The following TRPV6 variants were observed in gnomAD, a reference collection of about 807,000 sequenced individuals.
The protein encoded by TRPV6 is transient receptor potential cation channel subfamily V member 6.
TRPV6 carries 39 observed loss-of-function variants against 79.0 expected under a neutral mutation model. That is an observed-to-expected ratio of 0.49 (90% CI 0.38 to 0.64). The LOEUF (loss-of-function observed/expected upper bound fraction) is 0.64, where lower values mean the gene tolerates loss of function less well. Ranked by LOEUF, TRPV6 falls within the 30% of genes least tolerant of loss-of-function variation. The pLI is 0.00. For missense variants in TRPV6, 813 were observed against 1,011.1 expected, an observed-to-expected ratio of 0.80 and a Z score of 2.66; for synonymous variants, 373 against 391.9, an observed-to-expected ratio of 0.95 and a Z score of 0.57.
Position 142,871,941 on chromosome 7 carries a change from T to TGCGTA in TRPV6, c.2059_2063dup (p.Gln689ThrfsTer21). The TGCGTA allele has an allele frequency of 6.2e-7, 1 of 1,612,492 alleles. No individual in the cohort carries two copies. Among genetic ancestry groups the TGCGTA allele is most frequent in the Non-Finnish European group, 8.5e-7 (1 of 1,178,946 alleles). The stretch of plus-strand genomic sequence containing the variant: ...CAGAGCCCCGGGTGTGGAAGGCCTG[T>TGCGTA]GCGTAGCGTTGGATCCGCTGCCGGT... On this transcript the variant is annotated frameshift_variant, in exon 15 of 15. Transcript: ENST00000359396. LOFTEE classifies it low-confidence loss of function (END_TRUNC).
rs780213402 is a variant in TRPV6, at chr7:142,873,729, A to C, written c.1640-13T>G. ...ATGATATAGAAGGCTGCTCCACCCAAGGGGGTGAGGGTTACCATGGCAACC... is the reference window on the plus strand; with the variant it reads ...ATGATATAGAAGGCTGCTCCACCCACGGGGGTGAGGGTTACCATGGCAACC... On this transcript the variant is annotated splice_polypyrimidine_tract_variant and intron_variant, in intron 12 of 14. Transcript: ENST00000359396. This position sits in a 1 kb window ranked among gnomAD's most constrained non-coding sequence, Gnocchi z 4.8. 3 of 1,611,742 alleles carry C rather than the reference A, an allele frequency of 1.9e-6. No individual in the cohort carries two copies. Among genetic ancestry groups the C allele is most frequent in the Admixed American group, 3.3e-5 (2 of 59,968 alleles).
At chr7:142,884,454 G>T (rs1795258247) in intron 1 of TRPV6, 1 of 152,284 alleles carries the variant, frequency 6.6e-6, no homozygotes, top group African/African-American at 2.4e-5. Flanking sequence ...AGCCCCAACA[G>T]GCAGGACTTC....
rs762290342 is a variant in TRPV6 at position 142,875,770 on chromosome 7, G to A, written c.1017C>T (p.Thr339=). ...TCATGAGCCATACCTCCCGCTTCTT[G>A]GTGGTGATGATAAGTTCCAGCAGGG... The change falls in exon 7 of 15, where the codon ACC becomes ACT. Residue 339 remains threonine (T), a synonymous_variant. Transcript: ENST00000359396. The A allele has an allele frequency of 8.7e-6, 14 of 1,604,944 alleles. No individual in the cohort carries two copies. The South Asian group carries it at 1.4e-4, about 17-fold the overall frequency.
Position 142,871,404 on chromosome 7 carries a change from TG to T in TRPV6, c.*302del. On this transcript the variant is annotated 3_prime_UTR_variant, in exon 15 of 15. Transcript: ENST00000359396. ...GTGGAGACCGAGCGCCCAAGCAGGC[TG>T]GCCTGTTTTTAAAGTGCTCTGACAT... is the stretch of plus-strand genomic sequence containing the variant. 1 of 454,750 alleles carries T rather than the reference TG, an allele frequency of 2.2e-6. No individual in the cohort carries two copies. The highest frequency in any genetic ancestry group is 1.9e-5 in the African/African-American group (1 of 51,308). The allele number at this position is 454,750 out of a possible 1,614,324, so 28.2% of individuals were successfully genotyped here.
chr7:142,885,115 GC>G (rs1795277388), intron 1 of TRPV6: 4 of 281,280 alleles, frequency 1.4e-5, no homozygotes, highest in Non-Finnish European at 2.7e-5. Context: ...CCAGCAAGAC[GC>G]CTGGCCCTTA....
intron 1 of TRPV6, chr7:142,881,148 A>C (rs1795182854): frequency 6.6e-6 from 1 of 152,212 alleles, no homozygotes; most frequent in Non-Finnish European, 1.5e-5. Flanking sequence ...CTGACCCCAA[A>C]ACACCTGACT....
Position 142,875,087 on chromosome 7 carries a change from C to T in TRPV6, c.1320G>A (p.Leu440=). 1 of 1,614,156 alleles carries T rather than the reference C, an allele frequency of 6.2e-7. No homozygotes were observed. The highest frequency in any genetic ancestry group is 8.5e-7 in the Non-Finnish European group (1 of 1,180,028). Residue 440 remains leucine, a synonymous_variant, in exon 9 of 15, where the codon CTG becomes CTA. Coordinates refer to ENST00000359396, the MANE Select transcript of TRPV6 (RefSeq NM_018646.6). ...TCCATCCACACCTCACCTCTACCAG[C>T]AGGATGATGATAGCCCCAATGACAG... is the stretch of plus-strand genomic sequence containing the variant.
In TRPV6 at chr7:142,875,647, C is replaced by T; in HGVS notation, c.1063G>A (p.Glu355Lys). Residue 355 changes from glutamate (E) to lysine (K), a missense_variant, in exon 8 of 15, where the codon GAG (glutamate) becomes AAG (lysine). Glu to Lys is a moderately conservative substitution (Grantham distance 56, BLOSUM62 1). Around this residue, in one of 3 missense-constraint regions of TRPV6, gnomAD observed 555 missense variants for 631.0 expected, o/e 0.88. Coordinates refer to ENST00000359396, the MANE Select transcript of TRPV6 (RefSeq NM_018646.6). ...CGCTTCCACTTGAGGCTCACCAGCT[C>T]CTTCACCGGCGTCTGGTCCAGGATC... The T allele has an allele frequency of 1.2e-6, 2 of 1,613,780 alleles. No homozygotes were observed. The highest frequency in any genetic ancestry group is 2.2e-5 in the East Asian group (1 of 44,856).
At chr7:142,877,448 C>T in intron 3 of TRPV6, 169 bp from the exon 4 acceptor site, 1 of 1,460,422 alleles carries the variant, frequency 6.8e-7, no homozygotes, top group Non-Finnish European at 9.1e-7. Context: ...ATCTCTTCCT[C>T]TTCTCTAGGC....
chr7:142,877,306 G>C (rs138580726), intron 3 of TRPV6, 27 bp from the exon 4 acceptor site: 1 of 1,611,316 alleles, frequency 6.2e-7, no homozygotes. Context: ...TGTCAGTCAC[G>C]GGTCTGTCCC....
Position 142,873,835 on chromosome 7 carries a change from G to A in TRPV6, c.1640-119C>T. The A allele has an allele frequency of 4.9e-6, 7 of 1,428,710 alleles. No homozygotes were observed. The highest frequency in any genetic ancestry group is 2.0e-5 in the Admixed American group (1 of 50,976). The allele number at this position is 1,428,710 out of a possible 1,614,324, so 88.5% of individuals were successfully genotyped here. A position where few individuals can be genotyped will look rare whatever the true frequency, so the allele number is the denominator to read the frequency against. ...ATCTCAATATCACCAGCTCTGCAGT[G>A]CTCCAAACTTTGGGTTTTTACGGTC... On this transcript the variant is annotated intron_variant, in intron 12 of 14. Coordinates refer to ENST00000359396, the MANE Select transcript of TRPV6 (RefSeq NM_018646.6). This position sits in a 1 kb window ranked among gnomAD's most constrained non-coding sequence, Gnocchi z 4.8.
At chr7:142,885,154 A>C in intron 1 of TRPV6, 5 of 364,808 alleles carry the variant, frequency 1.4e-5, no homozygotes, top group African/African-American at 2.1e-5. Context: ...GGCTTGCAGA[A>C]TCGAATTAGA....
In TRPV6 at chr7:142,885,316, G is replaced by C. The variant is rs901326198; in HGVS notation, c.248+73C>G. 2.0e-6 allele frequency: 3 copies of C among 1,503,896 alleles called. No individual in the cohort carries two copies. The African/African-American group carries it at 4.2e-5, about 21-fold the overall frequency. 93.2% of individuals were successfully genotyped at this position (1,503,896 alleles called of 1,614,324 possible). On this transcript the variant is annotated intron_variant, in intron 1 of 14. Transcript: ENST00000359396. ...CCAAAGGTGCCAAACAAAGACGGGA[G>C]GTGAGGGAGGGGTGAGGGGTAGAGG...
intron 1 of TRPV6, chr7:142,881,071 G>A (rs1184462580): frequency 6.6e-6 from 1 of 152,100 alleles, no homozygotes; most frequent in African/African-American, 2.4e-5. Flanking sequence ...GCCATTACTT[G>A]CAATAACCTC....
In TRPV6 at chr7:142,872,354, C is replaced by T. The variant is rs1218402963; in HGVS notation, c.2015+18G>A. The T allele has an allele frequency of 1.9e-6, 3 of 1,612,572 alleles. No individual in the cohort carries two copies. Among genetic ancestry groups the T allele is most frequent in the South Asian group, 2.2e-5 (2 of 91,000 alleles). The stretch of plus-strand genomic sequence containing the variant: ...GATGAGGCTTCTCAGGGGACACCTA[C>T]CCCCGCATATCACTCACCGCAGGAA... On this transcript the variant is annotated intron_variant, in intron 14 of 14. Coordinates refer to ENST00000359396, the MANE Select transcript of TRPV6 (RefSeq NM_018646.6).
rs1471561069 is a variant in TRPV6 at position 142,877,212 on chromosome 7, G to A, written c.537C>T (p.Arg179=). The A allele has an allele frequency of 6.2e-7, 1 of 1,614,214 alleles. No individual in the cohort carries two copies. Among genetic ancestry groups the A allele is most frequent in the South Asian group, 1.1e-5 (1 of 91,084 alleles). Residue 179 remains arginine, a synonymous_variant, in exon 4 of 15, where the codon CGC becomes CGT. Transcript: ENST00000359396. ...TGGCTCTGGCAGAGACACTGGCCCTGCGGGCAAGCAGGGCTCGCACCAGGT... is the reference window on the plus strand; with the variant it reads ...TGGCTCTGGCAGAGACACTGGCCCTACGGGCAAGCAGGGCTCGCACCAGGT...
chr7:142,875,326 G>T, intron 8 of TRPV6, 142 bp downstream of exon 8: 2 of 1,221,690 alleles, frequency 1.6e-6, no homozygotes, highest in East Asian at 2.4e-5. Context: ...GTGTGTTTTT[G>T]TGGGCGTGCA....
chr7:142,875,856 C>T lies in TRPV6; in HGVS notation c.931G>A (p.Gly311Arg), dbSNP rs1470069684. 6.2e-7 allele frequency: 1 copy of T among 1,607,632 alleles called. No homozygotes were observed. Among genetic ancestry groups the T allele is most frequent in the African/African-American group, 1.3e-5 (1 of 74,656 alleles). ...TCATAGAGAGTCGAGGTCAGTGGTCCATACGTCCACTGGGTGTGCTTCCGC... is the reference window on the plus strand; with the variant it reads ...TCATAGAGAGTCGAGGTCAGTGGTCTATACGTCCACTGGGTGTGCTTCCGC... The change falls in exon 7 of 15, where the codon GGA becomes AGA. Residue 311 changes from glycine (G) to arginine (R), a missense_variant. Around this residue, in one of 3 missense-constraint regions of TRPV6, gnomAD observed 555 missense variants for 631.0 expected, o/e 0.88. Transcript: ENST00000359396.
chr7:142,876,111 G>A, intron 6 of TRPV6: 1 of 684,238 alleles, frequency 1.5e-6, no homozygotes, highest in Non-Finnish European at 2.3e-6. Flanking sequence ...TCCAGAGTTT[G>A]GAAAGGAGAG....
Sources: gnomAD v4.1 joint callset for allele counts on GRCh38, gnomAD v4.1.1 for gene constraint, gnomAD v4.1.1 regional missense constraint, Gnocchi (gnomAD v3.1) non-coding constraint, MANE v1.5 for transcripts, NCBI Gene and HGNC (gene_info 2026-07-23, HGNC 2026-07-21) for gene names.